The following IRAG1 variants were observed in gnomAD, a reference collection of about 807,000 sequenced individuals.
The protein encoded by IRAG1 is IP3R-associated cGMP kinase substrate.
Under a neutral mutation model 106.2 loss-of-function variants are expected in IRAG1, and 62 were observed. That is an observed-to-expected ratio of 0.58 (90% CI 0.48 to 0.72). The LOEUF (loss-of-function observed/expected upper bound fraction) is 0.72. Among genes scored for constraint, IRAG1 ranks in the 30% least tolerant of loss-of-function variants. The probability of loss-of-function intolerance (pLI) is 0.00; values close to 1 mark genes in which losing one functional copy is unlikely to be tolerated. For synonymous variants in IRAG1, 462 were observed against 443.9 expected (o/e 1.04, Z -0.51); for missense variants, 1,064 against 1,140.7 (o/e 0.93, Z 0.97).
intron 1 of IRAG1, among the ~76,000 whole-genome samples, chr11:10,661,430 A>T (rs909447131): frequency 2.0e-5 from 3 of 152,126 alleles, no homozygotes; most frequent in Admixed American, 2.0e-4. Flanking sequence ...TTGGTGGCTT[A>T]AAACTGCACA....
chr11:10,680,340 G>GAAAGAAAGAAAGAAAGAAAGAAA (rs1564942325), intron 1 of IRAG1, among the ~76,000 whole-genome samples: 1 of 68,770 alleles, frequency 1.5e-5, no homozygotes, highest in South Asian at 6.2e-4. Context: ...AAGGAAGGAA[G>GAAAGAAAGAAAGAAAGAAAGAAA]GAAGGAAAGA....
chr11:10,656,070 C>T (rs1026432113), intron 1 of IRAG1, among the ~76,000 whole-genome samples: 2 of 152,198 alleles, frequency 1.3e-5, no homozygotes, highest in South Asian at 4.1e-4. Flanking sequence ...AGGGTGACAT[C>T]TGGGTTCTGC....
At chr11:10,645,681 CT>C (rs1291447078) in intron 2 of IRAG1, among the ~76,000 whole-genome samples, 3 of 152,192 alleles carry the variant, frequency 2.0e-5, no homozygotes, top group Non-Finnish European at 4.4e-5. Flanking sequence ...GACTGAGCGC[CT>C]ATTGTGAGCT....
intron 2 of IRAG1, among the ~76,000 whole-genome samples, chr11:10,639,140 C>T (rs1857337501): frequency 6.6e-6 from 1 of 152,112 alleles, no homozygotes; most frequent in African/African-American, 2.4e-5. Context: ...GGCTGGTCTC[C>T]AACTCCTGGC....
chr11:10,591,495 G>T, intron 18 of IRAG1, 53 bp downstream of exon 18: 1 of 1,483,136 alleles, frequency 6.7e-7, no homozygotes, highest in Non-Finnish European at 9.2e-7. Context: ...AAGTAAAATG[G>T]GGAAAATTTC....
At chr11:10,685,443 A>T (rs534323450) in intron 1 of IRAG1, among the ~76,000 whole-genome samples, 14 of 152,156 alleles carry the variant, frequency 9.2e-5, no homozygotes, top group African/African-American at 3.4e-4. Flanking sequence ...AATTAAAAGA[A>T]TTGTATACTT....
chr11:10,640,840 G>A (rs116567079), intron 2 of IRAG1, among the ~76,000 whole-genome samples: 2,391 of 152,168 alleles, frequency 0.016, 64 homozygotes, highest in African/African-American at 0.055. Flanking sequence ...GATAACCTTG[G>A]GCAAGTTACC....
rs1448134693 is a variant in IRAG1 at position 10,591,578 on chromosome 11, A to G, written c.2210T>C (p.Val737Ala). Reference protein sequence around the residue: ...ESPNGKGSLPVTSALPALLEN... With the variant: ...ESPNGKGSLPATSALPALLEN... The stretch of plus-strand genomic sequence containing the variant: ...CAAAAGTGCAGGCAGTGCTGAAGTG[A>G]CAGGTAGGCTGCCTTTCCCATTGGG... The change falls in exon 18 of 21, where the codon GTC becomes GCC. Residue 737 changes from valine to alanine, a missense_variant. Physicochemically the swap from Val to Ala is moderately conservative, Grantham distance 64 (BLOSUM62 0). Transcript: ENST00000423302. 6.3e-7 allele frequency: 1 copy of G among 1,598,784 alleles called. No individual in the cohort carries two copies. The highest frequency in any genetic ancestry group is 8.5e-7 in the Non-Finnish European group (1 of 1,172,662).
chr11:10,581,782 A>G, intron 19 of IRAG1, 85 bp downstream of exon 19: 21 of 1,522,134 alleles, frequency 1.4e-5, no homozygotes, highest in Non-Finnish European at 1.8e-5. Context: ...ACTTCCCTAA[A>G]GCCTCTAAGA....
chr11:10,581,160 C>T (rs990366000), intron 19 of IRAG1, among the ~76,000 whole-genome samples: 5 of 152,276 alleles, frequency 3.3e-5, no homozygotes, highest in Admixed American at 3.3e-4. Flanking sequence ...GTCAATATTA[C>T]CCCAAACATA....
At chr11:10,664,336 C>T (rs1859628934) in intron 1 of IRAG1, among the ~76,000 whole-genome samples, 1 of 152,190 alleles carries the variant, frequency 6.6e-6, no homozygotes, top group Non-Finnish European at 1.5e-5. Context: ...TCTCCAAAGC[C>T]ATGGAAATAG....
At chr11:10,593,419 T>C in intron 17 of IRAG1, 73 bp downstream of exon 17, 1 of 1,321,242 alleles carries the variant, frequency 7.6e-7, no homozygotes, top group Non-Finnish European at 1.1e-6. Context: ...TCACCCTCCC[T>C]GCCCTAGGAC....
Position 10,589,512 on chromosome 11 carries a change from C to T in IRAG1, c.2240+2036G>A, listed in dbSNP as rs1055637117. Among the ~76,000 whole-genome samples, 5 of 152,102 alleles carry T rather than the reference C, an allele frequency of 3.3e-5. No individual in the cohort carries two copies. In the South Asian group the frequency reaches 1.0e-3, roughly 32 times the overall value. On this transcript the variant is annotated intron_variant, in intron 18 of 20. Transcript: ENST00000423302. ...TTGAACTCCTGACCTCATGAACCAC[C>T]CGCCTCAGCCTCCCAAACTGCTGGG...
At chr11:10,693,395 T>G in intron 1 of IRAG1, 141 bp downstream of exon 1, 2 of 1,422,510 alleles carry the variant, frequency 1.4e-6, no homozygotes, top group Non-Finnish European at 1.8e-6. Context: ...TCAGCTGAAA[T>G]GCCACCCAAC....
rs529260413 is a variant in IRAG1 at position 10,614,588 on chromosome 11, A to G, written c.1448-4737T>C. Among the ~76,000 whole-genome samples, 4 of 152,366 alleles carry G rather than the reference A, an allele frequency of 2.6e-5. No homozygotes were observed. In the South Asian group the frequency reaches 6.2e-4, roughly 24 times the overall value. Reference sequence around the variant, plus strand: ...AAAACAGCATGGTACTGGTACCAAAACAGAGATATAGACCAATGGAACAGA... The same window carrying G: ...AAAACAGCATGGTACTGGTACCAAAGCAGAGATATAGACCAATGGAACAGA... On this transcript the variant is annotated intron_variant, in intron 10 of 20. Coordinates refer to ENST00000423302, the MANE Select transcript of IRAG1 (RefSeq NM_130385.4).
At chr11:10,644,979 C>T (rs7110195) in intron 2 of IRAG1, among the ~76,000 whole-genome samples, 6,297 of 152,166 alleles carry the variant, frequency 0.041, 454 homozygotes, top group African/African-American at 0.14. Context: ...CCATAGACAG[C>T]GCAGAACAAG....
chr11:10,645,925 T>C (rs1386852427), intron 2 of IRAG1, among the ~76,000 whole-genome samples: 1 of 152,204 alleles, frequency 6.6e-6, no homozygotes, highest in African/African-American at 2.4e-5. Flanking sequence ...ACCTGGCACA[T>C]AGTAAGTTCT....
At chr11:10,677,974 G>A (rs1361306450) in intron 1 of IRAG1, among the ~76,000 whole-genome samples, 1 of 152,018 alleles carries the variant, frequency 6.6e-6, no homozygotes, top group Non-Finnish European at 1.5e-5. Context: ...CCTTTTTATG[G>A]CTGAATAATA....
rs937106921 is a variant in IRAG1, at chr11:10,573,191, T to C, written c.*3141A>G. 3 of 152,252 alleles carry C rather than the reference T, an allele frequency of 2.0e-5. No individual in the cohort carries two copies. The highest frequency in any genetic ancestry group is 1.3e-4 in the Admixed American group (2 of 15,278). 9.4% of individuals were successfully genotyped at this position (152,252 alleles called of 1,614,324 possible). ...GAGGCTTAACAACATGAGGAACTGA[T>C]AGCCAGTGATACACAAATCCAGCAC... is the stretch of plus-strand genomic sequence containing the variant. On this transcript the variant is annotated 3_prime_UTR_variant, in exon 21 of 21. Coordinates refer to ENST00000423302, the MANE Select transcript of IRAG1 (RefSeq NM_130385.4).
Sources: gnomAD v4.1 joint callset for allele counts (sites outside exome capture counted in the v4.1 genomes callset) on GRCh38, gnomAD v4.1.1 for gene constraint, MANE v1.5 for transcripts, NCBI Gene and HGNC (gene_info 2026-07-23, HGNC 2026-07-21) for gene names.